Variants in SPATA17 observed in about 807,000 individuals in gnomAD.
SPATA17 encodes spermatogenesis associated 17, also known as spermatogenesis-associated protein 17.
In SPATA17, 53 loss-of-function variants were observed where a neutral mutation model predicts 62.2. The ratio of observed to expected loss-of-function variants is 0.85; its 90% CI spans 0.68 to 1.07. The LOEUF is 1.07. Ranked by LOEUF, SPATA17 falls within the 50% of genes least tolerant of loss-of-function variation. SPATA17 has a pLI of 0.00. For missense variants in SPATA17, 466 were observed against 425.5 expected (o/e 1.10, Z -0.84); for synonymous variants, 146 against 146.8 (o/e 0.99, Z 0.04).
At chr1:217,824,753 T>C (rs1040717739) in intron 9 of SPATA17, among the ~76,000 whole-genome samples, 2 of 150,964 alleles carry the variant, frequency 1.3e-5, no homozygotes, top group African/African-American at 2.4e-5. Flanking sequence ...GAAATGTTAG[T>C]TCAGTCATTA....
At chr1:217,696,377 C>A (rs1376237730) in intron 5 of SPATA17, among the ~76,000 whole-genome samples, 1 of 152,168 alleles carries the variant, frequency 6.6e-6, no homozygotes, top group African/African-American at 2.4e-5. Context: ...CACCCACTGG[C>A]CTGCGCCCAC....
intron 9 of SPATA17, among the ~76,000 whole-genome samples, chr1:217,803,819 A>C (rs1441119571): frequency 6.6e-6 from 1 of 152,146 alleles, no homozygotes; most frequent in Non-Finnish European, 1.5e-5. Flanking sequence ...GGAGTTCGAG[A>C]CCAGCATGGC....
chr1:217,824,368 A>T (rs1203037166), intron 9 of SPATA17, among the ~76,000 whole-genome samples: 1 of 151,832 alleles, frequency 6.6e-6, no homozygotes, highest in Admixed American at 6.6e-5. Context: ...AATTATCTTC[A>T]TTATGAGTCA....
At chr1:217,791,380 T>C (rs989180796) in intron 8 of SPATA17, among the ~76,000 whole-genome samples, 20 of 152,200 alleles carry the variant, frequency 1.3e-4, no homozygotes, top group Non-Finnish European at 2.4e-4. Flanking sequence ...TCTGGTACTT[T>C]ATAACACTGG....
intron 9 of SPATA17, among the ~76,000 whole-genome samples, chr1:217,857,813 G>A (rs1675815814): frequency 6.6e-6 from 1 of 152,210 alleles, no homozygotes; most frequent in Non-Finnish European, 1.5e-5. Context: ...GCAATAAAGA[G>A]TTTCTGAAAG....
At chr1:217,799,624 A>G (rs547139861) in intron 8 of SPATA17, among the ~76,000 whole-genome samples, 21 of 152,242 alleles carry the variant, frequency 1.4e-4, no homozygotes, top group African/African-American at 4.3e-4. Context: ...GTTAGAAAAT[A>G]TATTCTTAGG....
At chr1:217,640,355 A>G (rs1325362332) in intron 1 of SPATA17, among the ~76,000 whole-genome samples, 2 of 152,124 alleles carry the variant, frequency 1.3e-5, no homozygotes. Context: ...CCACATACAA[A>G]AAAGGATTTA....
chr1:217,727,247 C>CAATAATAATAAT (rs59885913), intron 5 of SPATA17, among the ~76,000 whole-genome samples: 38 of 132,776 alleles, frequency 2.9e-4, no homozygotes, highest in Middle Eastern at 4.1e-3. Flanking sequence ...AACTCCGTCT[C>CAATAATAATAAT]AATAATAATA....
chr1:217,700,888 G>A (rs1202359741), intron 5 of SPATA17, among the ~76,000 whole-genome samples: 1 of 150,510 alleles, frequency 6.6e-6, no homozygotes, highest in Non-Finnish European at 1.5e-5. Flanking sequence ...TTACGGTTAT[G>A]AGGCACCGCA....
chr1:217,802,269 T>G (rs541331517), intron 9 of SPATA17, among the ~76,000 whole-genome samples: 1 of 152,276 alleles, frequency 6.6e-6, no homozygotes, highest in African/African-American at 2.4e-5. Flanking sequence ...ATATAAAACA[T>G]GATGTATAAA....
At position 217,663,213 on chromosome 1, in the gene SPATA17, C is replaced by T. The variant is rs142988672; in HGVS notation, c.241-5820C>T. Among the ~76,000 whole-genome samples, 165 of 152,066 alleles carry T rather than the reference C, an allele frequency of 1.1e-3. 1 individual carries two copies. The Middle Eastern group carries it at 0.014, about 13-fold the overall frequency. ...TAATCCCAGCAGTTTGGGAGGCCAG[C>T]GCAGGCAGATCACCTGAGGTCAGGA... On this transcript the variant is annotated intron_variant, in intron 3 of 10. Coordinates refer to ENST00000366933, the MANE Select transcript of SPATA17 (RefSeq NM_138796.4).
At chr1:217,676,308 A>G (rs1048587918) in intron 4 of SPATA17, among the ~76,000 whole-genome samples, 1 of 152,124 alleles carries the variant, frequency 6.6e-6, no homozygotes, top group Non-Finnish European at 1.5e-5. Context: ...ACAAATGATA[A>G]CAAAGAGAAT....
chr1:217,726,230 G>T (rs557610769), intron 5 of SPATA17, among the ~76,000 whole-genome samples: 5 of 152,228 alleles, frequency 3.3e-5, no homozygotes, highest in African/African-American at 9.6e-5. Flanking sequence ...CTGTTTGACC[G>T]CCTGTCACTG....
intron 2 of SPATA17, among the ~76,000 whole-genome samples, chr1:217,649,732 A>AT (rs1670263215): frequency 3.2e-5 from 4 of 124,598 alleles, no homozygotes; most frequent in African/African-American, 1.3e-4. Flanking sequence ...ACTCTTTCTC[A>AT]CTTTTTTTTT....
intron 9 of SPATA17, among the ~76,000 whole-genome samples, chr1:217,859,586 T>G (rs552035889): frequency 6.6e-6 from 1 of 152,180 alleles, no homozygotes; most frequent in East Asian, 1.9e-4. Context: ...TTTTAAACTT[T>G]TTGGGAGATG....
intron 5 of SPATA17, among the ~76,000 whole-genome samples, chr1:217,721,847 C>T (rs576675965): frequency 6.6e-6 from 1 of 152,126 alleles, no homozygotes; most frequent in Non-Finnish European, 1.5e-5. Context: ...CTCCCAGCAA[C>T]CCAAGTAGGT....
At chr1:217,866,731 G>A (rs1487187052) in intron 10 of SPATA17, 3 of 151,974 alleles carry the variant, frequency 2.0e-5, no homozygotes, top group Non-Finnish European at 2.9e-5. Flanking sequence ...CAGAGAACAG[G>A]GCTAAAAATG....
At chr1:217,765,508 G>T (rs931016929) in intron 6 of SPATA17, among the ~76,000 whole-genome samples, 1 of 151,482 alleles carries the variant, frequency 6.6e-6, no homozygotes. Context: ...TTCTCTTGAG[G>T]TTTCTTTTTT....
intron 5 of SPATA17, among the ~76,000 whole-genome samples, chr1:217,700,094 G>C (rs1359223960): frequency 1.3e-5 from 2 of 151,800 alleles, no homozygotes; most frequent in East Asian, 3.9e-4. Context: ...GTTGGGCAGG[G>C]GGATTCCTTT....
Sources: gnomAD v4.1 joint callset for allele counts (sites outside exome capture counted in the v4.1 genomes callset) on GRCh38, gnomAD v4.1.1 for gene constraint, MANE v1.5 for transcripts, NCBI Gene and HGNC (gene_info 2026-07-23, HGNC 2026-07-21) for gene names.